CNTNAP2: variants seen among roughly 807,000 people sequenced by gnomAD.
CNTNAP2 encodes contactin associated protein 2.
Under a neutral mutation model 155.2 loss-of-function variants are expected in CNTNAP2, and 98 were observed. The ratio of observed to expected loss-of-function variants is 0.63; its 90% CI spans 0.54 to 0.75. The LOEUF (loss-of-function observed/expected upper bound fraction) is 0.75, where lower values mean the gene tolerates loss of function less well. CNTNAP2 is among the 30% of genes least tolerant of loss of function. The pLI is 0.00. For missense variants in CNTNAP2, 1,727 were observed against 1,688.1 expected (o/e 1.02, Z -0.40); for synonymous variants, 651 against 631.2 (o/e 1.03, Z -0.47).
At chr7:148,239,018 G>T (rs1024420790) in intron 20 of CNTNAP2, among the ~76,000 whole-genome samples, 5 of 150,468 alleles carry the variant, frequency 3.3e-5, no homozygotes, top group African/African-American at 4.9e-5. Context: ...AATAAAGAAA[G>T]TTGACCTAGC....
chr7:147,895,279 G>T (rs369813870), intron 13 of CNTNAP2, among the ~76,000 whole-genome samples: 32 of 151,878 alleles, frequency 2.1e-4, no homozygotes, highest in African/African-American at 7.5e-4. Flanking sequence ...CAGCTTATTG[G>T]TTTTTTTAAG....
chr7:147,199,463 T>C (rs960661306), intron 8 of CNTNAP2, among the ~76,000 whole-genome samples: 15 of 152,198 alleles, frequency 9.9e-5, no homozygotes, highest in African/African-American at 3.6e-4. Context: ...GCTAAAACAG[T>C]ATACTACGTT....
At chr7:147,266,235 G>C (rs191471986) in intron 8 of CNTNAP2, among the ~76,000 whole-genome samples, 9 of 152,164 alleles carry the variant, frequency 5.9e-5, no homozygotes, top group African/African-American at 1.9e-4. Context: ...TAAGGACCAC[G>C]ATAAAAGGCT....
intron 16 of CNTNAP2, among the ~76,000 whole-genome samples, chr7:148,146,933 C>G (rs1805193488): frequency 6.6e-6 from 1 of 152,196 alleles, no homozygotes; most frequent in African/African-American, 2.4e-5. Flanking sequence ...TCAACTCTAG[C>G]TATGTGTTAA....
chr7:146,190,260 A>G (rs1798683583), intron 1 of CNTNAP2, among the ~76,000 whole-genome samples: 2 of 152,160 alleles, frequency 1.3e-5, no homozygotes, highest in South Asian at 4.1e-4. Flanking sequence ...GGAGATAAGC[A>G]GTGACCTGCA....
intron 1 of CNTNAP2, among the ~76,000 whole-genome samples, chr7:146,460,242 TA>T (rs1796616676): frequency 6.6e-6 from 1 of 152,144 alleles, no homozygotes; most frequent in Admixed American, 6.6e-5. Context: ...CTTGTTTTAA[TA>T]AAAAATTATA....
chr7:146,718,911 G>A (rs2129176696), intron 1 of CNTNAP2, among the ~76,000 whole-genome samples: 1 of 152,186 alleles, frequency 6.6e-6, no homozygotes, highest in South Asian at 2.1e-4. Flanking sequence ...CGGTCTTCAT[G>A]TTCACAAGTT....
At chr7:147,051,878 T>C (rs17222184) in intron 4 of CNTNAP2, among the ~76,000 whole-genome samples, 11,275 of 152,204 alleles carry the variant, frequency 0.074, 482 homozygotes, top group Middle Eastern at 0.13. Context: ...TGATGCTACA[T>C]TGCCTATAAA....
chr7:148,020,702 G>C (rs1802265009), intron 15 of CNTNAP2, among the ~76,000 whole-genome samples: 1 of 152,132 alleles, frequency 6.6e-6, no homozygotes, highest in Non-Finnish European at 1.5e-5. Context: ...TAAAACCATA[G>C]AATCTGGCTT....
intron 14 of CNTNAP2, among the ~76,000 whole-genome samples, chr7:147,910,748 A>T (rs1400756820): frequency 6.6e-6 from 1 of 152,130 alleles, no homozygotes; most frequent in Non-Finnish European, 1.5e-5. Flanking sequence ...CTTAGTCCCT[A>T]CCAGGAGAAC....
intron 13 of CNTNAP2, among the ~76,000 whole-genome samples, chr7:147,868,524 A>C (rs1439711283): frequency 3.3e-5 from 5 of 152,188 alleles, no homozygotes; most frequent in Non-Finnish European, 5.9e-5. Context: ...AGGGATGTTT[A>C]AGTCTGCAGA....
At chr7:146,290,988 A>C (rs1451237890) in intron 1 of CNTNAP2, among the ~76,000 whole-genome samples, 1 of 152,206 alleles carries the variant, frequency 6.6e-6, no homozygotes, top group Admixed American at 6.5e-5. Flanking sequence ...AACGGAGGCA[A>C]CAGAAATTGC....
chr7:147,606,074 G>A (rs564905797), intron 12 of CNTNAP2, among the ~76,000 whole-genome samples: 246 of 151,812 alleles, frequency 1.6e-3, no homozygotes, highest in African/African-American at 5.7e-3. Context: ...CGTTCACTAA[G>A]CTGTTCGTAC....
chr7:146,319,662 T>A (rs1448816202), intron 1 of CNTNAP2, among the ~76,000 whole-genome samples: 2 of 152,248 alleles, frequency 1.3e-5, no homozygotes, highest in Non-Finnish European at 2.9e-5. Context: ...GCTTCAAACA[T>A]GAATTGATTA....
At chr7:147,686,148 A>G (rs1353132297) in intron 13 of CNTNAP2, among the ~76,000 whole-genome samples, 1 of 152,104 alleles carries the variant, frequency 6.6e-6, no homozygotes, top group Non-Finnish European at 1.5e-5. Flanking sequence ...GGAAGAGATG[A>G]GAGTGTCTCA....
intron 8 of CNTNAP2, among the ~76,000 whole-genome samples, chr7:147,157,225 C>T (rs1220229478): frequency 6.6e-6 from 1 of 152,058 alleles, no homozygotes; most frequent in Non-Finnish European, 1.5e-5. Flanking sequence ...GAAACATTCA[C>T]ATTAGAGCAC....
At chr7:146,729,758 G>A (rs903624567) in intron 1 of CNTNAP2, among the ~76,000 whole-genome samples, 1 of 152,020 alleles carries the variant, frequency 6.6e-6, no homozygotes, top group African/African-American at 2.4e-5. Context: ...TATGCAAAAT[G>A]TGAAAGGAGC....
intron 13 of CNTNAP2, among the ~76,000 whole-genome samples, chr7:147,645,313 A>G (rs1165531686): frequency 3.3e-5 from 5 of 152,204 alleles, no homozygotes; most frequent in African/African-American, 1.2e-4. Context: ...GCTGTGCATT[A>G]TAAGAAGCTG....
chr7:147,837,917 G>T (rs1169162356), intron 13 of CNTNAP2, among the ~76,000 whole-genome samples: 1 of 152,148 alleles, frequency 6.6e-6, no homozygotes, highest in East Asian at 1.9e-4. Flanking sequence ...CTGGCATTGG[G>T]TGTCTACAGC....
Sources: allele counts gnomAD v4.1 joint callset (sites outside exome capture counted in the v4.1 genomes callset), GRCh38; gene constraint gnomAD v4.1.1; transcripts MANE v1.5; gene names NCBI Gene and HGNC (gene_info 2026-07-23, HGNC 2026-07-21).